PRDM11: variants seen among roughly 807,000 people sequenced by gnomAD.
PRDM11 encodes PR domain-containing protein 11.
In PRDM11, 20 loss-of-function variants were observed where a neutral mutation model predicts 97.8. The observed-to-expected ratio is 0.20, with a 90% confidence interval of 0.14 to 0.30. PRDM11 has a LOEUF of 0.30. Ranked by LOEUF, PRDM11 falls within the 10% of genes least tolerant of loss-of-function variation. The pLI is 1.00. For synonymous variants in PRDM11, 599 were observed against 637.7 expected, an observed-to-expected ratio of 0.94 and a Z score of 0.91; for missense variants, 1,139 against 1,555.2, an observed-to-expected ratio of 0.73 and a Z score of 4.50.
At chr11:45,175,321 C>T (rs1316404313) in intron 1 of PRDM11, among the ~76,000 whole-genome samples, 1 of 152,212 alleles carries the variant, frequency 6.6e-6, no homozygotes, top group African/African-American at 2.4e-5. Flanking sequence ...CCCCTGCCAA[C>T]CTCTGATCTT....
intron 1 of PRDM11, among the ~76,000 whole-genome samples, chr11:45,119,424 G>A (rs796735539): frequency 6.6e-6 from 1 of 151,996 alleles, no homozygotes; most frequent in Non-Finnish European, 1.5e-5. Flanking sequence ...TCAGGAGATC[G>A]AGACCATTCT....
At chr11:45,151,214 C>T (rs2135684407) in intron 1 of PRDM11, among the ~76,000 whole-genome samples, 1 of 152,308 alleles carries the variant, frequency 6.6e-6, no homozygotes, top group Middle Eastern at 3.4e-3. Flanking sequence ...TGCATCTCTA[C>T]CTCCTGCTGG....
At chr11:45,126,456 G>T (rs1376476979) in intron 1 of PRDM11, among the ~76,000 whole-genome samples, 1 of 151,900 alleles carries the variant, frequency 6.6e-6, no homozygotes, top group Non-Finnish European at 1.5e-5. Flanking sequence ...ATTTGGCATG[G>T]TTTTGCAGTG....
Position 45,226,444 on chromosome 11 carries a change from C to G in PRDM11, c.1819C>G (p.Leu607Val), listed in dbSNP as rs757463611. 1 of 1,534,010 alleles carries G rather than the reference C, an allele frequency of 6.5e-7. No individual in the cohort carries two copies. The highest frequency in any genetic ancestry group is 1.2e-5 in the South Asian group (1 of 83,972). ...CCTGGCCTTGGAGGGCAGGCCCTAC[C>G]TGGACTTCCGGCCCCTGGCGGAGCT... is the stretch of plus-strand genomic sequence containing the variant. Reference protein sequence around the residue: ...YHLALEGRPYLDFRPLAELLR... With the variant: ...YHLALEGRPYVDFRPLAELLR... The change falls in exon 8 of 8, where the codon CTG (leucine) becomes GTG (valine). Residue 607 changes from leucine to valine, a missense_variant. This residue lies in a region of PRDM11 where 710 missense variants were observed against 1,044.9 expected (regional missense o/e 0.68). Transcript: ENST00000683152.
In PRDM11 at chr11:45,162,799, G is replaced by A. The variant is rs147441115; in HGVS notation, c.-7+15922G>A. ...CGGGGGATCATTAAGGTGGCAGTGCGCCTTTCTCACTCCTGGCACCATGCC... is the reference window on the plus strand; with the variant it reads ...CGGGGGATCATTAAGGTGGCAGTGCACCTTTCTCACTCCTGGCACCATGCC... On this transcript the variant is annotated intron_variant, in intron 1 of 7. Coordinates refer to ENST00000683152, the MANE Select transcript of PRDM11 (RefSeq NM_001384648.1). Among the ~76,000 whole-genome samples the A allele has an allele frequency of 9.7e-4, 148 of 152,302 alleles. 1 individual carries two copies. The highest frequency in any genetic ancestry group is 2.9e-3 in the Admixed American group (44 of 15,304).
chr11:45,149,912 G>T (rs1156783825), intron 1 of PRDM11, among the ~76,000 whole-genome samples: 1 of 152,256 alleles, frequency 6.6e-6, no homozygotes, highest in Non-Finnish European at 1.5e-5. Flanking sequence ...TAGGCAGAGA[G>T]ACAAGTAGTG....
At chr11:45,104,814 G>A (rs1035677127) in intron 1 of PRDM11, among the ~76,000 whole-genome samples, 1 of 152,120 alleles carries the variant, frequency 6.6e-6, no homozygotes, top group African/African-American at 2.4e-5. Context: ...AATTCAGATC[G>A]GGGACCCAGA....
chr11:45,183,187 G>T, intron 4 of PRDM11, 64 bp downstream of exon 4: 2 of 1,545,856 alleles, frequency 1.3e-6, no homozygotes, highest in East Asian at 4.5e-5. Context: ...AACCACCAGG[G>T]GGAGCCATAC....
chr11:45,189,554 T>G (rs958253226), intron 4 of PRDM11, among the ~76,000 whole-genome samples: 1 of 152,162 alleles, frequency 6.6e-6, no homozygotes, highest in Non-Finnish European at 1.5e-5. Context: ...GGGGCCCTTA[T>G]AAAGAGGACA....
In PRDM11 at chr11:45,220,723, A is replaced by T. The variant is rs189391195; in HGVS notation, c.742+966A>T. ...ATGAGGTGAAAAAACAATCTCTATC[A>T]AAAGAAGAAGGTTGGCAGGAGGTGG... On this transcript the variant is annotated intron_variant, in intron 6 of 7. Transcript: ENST00000683152. Among the ~76,000 whole-genome samples the T allele has an allele frequency of 2.6e-5, 4 of 152,284 alleles. No individual in the cohort carries two copies. The East Asian group carries it at 7.7e-4, about 29-fold the overall frequency.
chr11:45,107,809 T>C (rs1051579554), intron 1 of PRDM11, among the ~76,000 whole-genome samples: 3 of 151,506 alleles, frequency 2.0e-5, no homozygotes, highest in Non-Finnish European at 2.9e-5. Context: ...ATATAATAAG[T>C]GCTCAATAAA....
Position 45,194,342 on chromosome 11 carries a change from TC to T in PRDM11, c.487-10367del, listed in dbSNP as rs138465051. Among the ~76,000 whole-genome samples, 1,088 of 152,290 alleles carry T rather than the reference TC, an allele frequency of 7.1e-3. 13 individuals are homozygous for T. Among genetic ancestry groups the T allele is most frequent in the African/African-American group, 0.025 (1,030 of 41,574 alleles). On this transcript the variant is annotated intron_variant, in intron 4 of 7. Transcript: ENST00000683152. Reference sequence around the variant, plus strand: ...GAGAGACACTAATTTTTAGTAAACTTCCTGGCTTTGCCGCAGAAGATTTGGG... The same window carrying T: ...GAGAGACACTAATTTTTAGTAAACTTCTGGCTTTGCCGCAGAAGATTTGGG...
At chr11:45,212,471 G>A (rs1328905130) in intron 5 of PRDM11, 1 of 395,360 alleles carries the variant, frequency 2.5e-6, no homozygotes, top group Non-Finnish European at 5.0e-6. Flanking sequence ...CCCCCAAGAT[G>A]ATGAAGATGA....
intron 7 of PRDM11, chr11:45,225,095 G>A (rs1041315981): frequency 2.3e-5 from 33 of 1,432,912 alleles, no homozygotes; most frequent in Non-Finnish European, 3.0e-5. Flanking sequence ...TGCAGAAGGG[G>A]TGTGTGCTGT....
At chr11:45,213,855 G>A in intron 5 of PRDM11, 2 of 408,382 alleles carry the variant, frequency 4.9e-6, no homozygotes, top group Non-Finnish European at 1.0e-5. Context: ...CCTGTCAGAG[G>A]CCAGATCTGG....
chr11:45,156,469 C>A (rs974443582), intron 1 of PRDM11, among the ~76,000 whole-genome samples: 1 of 152,224 alleles, frequency 6.6e-6, no homozygotes, highest in Non-Finnish European at 1.5e-5. Flanking sequence ...CAATGGAGAC[C>A]GTGGTCCGCA....
upstream of PRDM11, among the ~76,000 whole-genome samples, chr11:45,141,708 C>T (rs1851408327): frequency 6.6e-6 from 1 of 152,154 alleles, no homozygotes; most frequent in Non-Finnish European, 1.5e-5. Context: ...CTGTTGGATC[C>T]AGCCACTGAC....
At chr11:45,175,822 C>G (rs1396041341) in intron 1 of PRDM11, among the ~76,000 whole-genome samples, 1 of 151,960 alleles carries the variant, frequency 6.6e-6, no homozygotes, top group African/African-American at 2.4e-5. Context: ...CTTGCCAACT[C>G]TGAATAACAT....
rs1280605869 is a variant in PRDM11, at chr11:45,231,274, A to G, written c.*3115A>G. ...CTGTGAATTCTGCATGTGATTACCC[A>G]TGATTTCTGTCATAGGCATTTCCCA... On this transcript the variant is annotated 3_prime_UTR_variant, in exon 8 of 8. Coordinates refer to ENST00000683152, the MANE Select transcript of PRDM11 (RefSeq NM_001384648.1). 6.6e-6 allele frequency: 1 copy of G among 152,098 alleles called. No individual in the cohort carries two copies. The highest frequency in any genetic ancestry group is 1.5e-5 in the Non-Finnish European group (1 of 68,052). The allele number at this position is 152,098 out of a possible 1,614,324, so 9.4% of individuals were successfully genotyped here.
Sources: gnomAD v4.1 joint callset for allele counts (sites outside exome capture counted in the v4.1 genomes callset) on GRCh38, gnomAD v4.1.1 for gene constraint, gnomAD v4.1.1 regional missense constraint, MANE v1.5 for transcripts, NCBI Gene and HGNC (gene_info 2026-07-23, HGNC 2026-07-21) for gene names.